Variants in EPHA3 observed in about 807,000 individuals in gnomAD.
EPHA3 encodes ephrin type-A receptor 3.
A neutral mutation model predicts 107.1 loss-of-function variants in EPHA3; 42 were observed. That is an observed-to-expected ratio of 0.39 (90% CI 0.31 to 0.51). The LOEUF is 0.51. EPHA3 is among the 20% of genes least tolerant of loss of function. The pLI is 0.78. For synonymous variants in EPHA3, 461 were observed against 424.8 expected (o/e 1.09, Z -1.05); for missense variants, 1,183 against 1,211.2 (o/e 0.98, Z 0.35).
chr3:89,429,698 C>CTATA (rs1709527536), intron 12 of EPHA3, among the ~76,000 whole-genome samples: 1 of 53,262 alleles, frequency 1.9e-5, no homozygotes, highest in Non-Finnish European at 6.0e-5. Context: ...TATCTATCAT[C>CTATA]TATCTATCTA....
At chr3:89,344,686 G>A (rs1290927247) in intron 5 of EPHA3, among the ~76,000 whole-genome samples, 3 of 152,268 alleles carry the variant, frequency 2.0e-5, no homozygotes, top group Middle Eastern at 3.4e-3. Context: ...ATGCCAGGGT[G>A]CTTAAAATCC....
chr3:89,375,783 A>T (rs188678885), intron 5 of EPHA3, among the ~76,000 whole-genome samples: 1 of 151,944 alleles, frequency 6.6e-6, no homozygotes, highest in Non-Finnish European at 1.5e-5. Context: ...CACAAACAAA[A>T]TAGGCCCATT....
At chr3:89,147,540 G>T (rs1490743185) in intron 2 of EPHA3, among the ~76,000 whole-genome samples, 1 of 151,848 alleles carries the variant, frequency 6.6e-6, no homozygotes, top group East Asian at 1.9e-4. Flanking sequence ...TGTGATAAGT[G>T]CTCAGTTAAG....
intron 2 of EPHA3, among the ~76,000 whole-genome samples, chr3:89,145,935 TA>T (rs914417978): frequency 9.9e-5 from 15 of 151,782 alleles, no homozygotes; most frequent in African/African-American, 3.6e-4. Context: ...ATCAAAATAA[TA>T]AAAAAATGAG....
intron 2 of EPHA3, among the ~76,000 whole-genome samples, chr3:89,127,537 A>C (rs1398351572): frequency 6.6e-6 from 1 of 151,990 alleles, no homozygotes; most frequent in Non-Finnish European, 1.5e-5. Context: ...GCATCATGTC[A>C]ATGATCTAAG....
chr3:89,353,708 T>C (rs1057101456), intron 5 of EPHA3, among the ~76,000 whole-genome samples: 1 of 151,326 alleles, frequency 6.6e-6, no homozygotes, highest in African/African-American at 2.4e-5. Flanking sequence ...TGGAGGCACA[T>C]TGCGTAACTG....
At chr3:89,310,648 A>T (rs1297194057) in intron 3 of EPHA3, among the ~76,000 whole-genome samples, 1 of 151,918 alleles carries the variant, frequency 6.6e-6, no homozygotes, top group Non-Finnish European at 1.5e-5. Flanking sequence ...TATACCATGC[A>T]ATTTAATAGA....
intron 2 of EPHA3, among the ~76,000 whole-genome samples, chr3:89,185,307 C>T (rs78101615): frequency 6.6e-6 from 1 of 151,968 alleles, no homozygotes; most frequent in Non-Finnish European, 1.5e-5. Flanking sequence ...GGTGACTTTG[C>T]TGTCCCCTAC....
Position 89,449,290 on chromosome 3 carries a change from C to T in EPHA3, c.2412C>T (p.Ala804=), listed in dbSNP as rs2107553455. 6.2e-7 allele frequency: 1 copy of T among 1,612,590 alleles called. No individual in the cohort carries two copies. The highest frequency in any genetic ancestry group is 1.3e-5 in the African/African-American group (1 of 74,944). The change falls in exon 14 of 17, where the codon GCC becomes GCT. Residue 804 remains alanine, a synonymous_variant. Coordinates refer to ENST00000336596, the MANE Select transcript of EPHA3 (RefSeq NM_005233.6). ...TAGCCTACCGCAAGTTCACGTCAGC[C>T]AGCGATGTATGGAGTTATGGGATTG... ...EAIAYRKFTS[A]SDVWSYGIVL... is the part of the protein sequence containing the mutation.
chr3:89,249,349 C>T (rs980619428), intron 3 of EPHA3, among the ~76,000 whole-genome samples: 4 of 152,270 alleles, frequency 2.6e-5, no homozygotes, highest in Admixed American at 6.5e-5. Flanking sequence ...TATTGAACGG[C>T]GGTGACATTT....
chr3:89,457,591 C>T (rs115196644), intron 15 of EPHA3, among the ~76,000 whole-genome samples: 1 of 152,268 alleles, frequency 6.6e-6, no homozygotes, highest in African/African-American at 2.4e-5. Context: ...TGAAACTGGC[C>T]CCTGGTGCCA....
intron 2 of EPHA3, among the ~76,000 whole-genome samples, chr3:89,176,647 T>G (rs1263774723): frequency 1.3e-5 from 2 of 152,138 alleles, no homozygotes; most frequent in African/African-American, 2.4e-5. Context: ...GCAACCATAT[T>G]TTGTAAAGCA....
At chr3:89,235,998 T>C (rs972754386) in intron 3 of EPHA3, among the ~76,000 whole-genome samples, 1 of 152,066 alleles carries the variant, frequency 6.6e-6, no homozygotes, top group African/African-American at 2.4e-5. Context: ...TCATTAGTGG[T>C]CAGTGACATA....
chr3:89,403,551 G>T (rs535127795), intron 7 of EPHA3, among the ~76,000 whole-genome samples: 1 of 152,118 alleles, frequency 6.6e-6, no homozygotes, highest in Admixed American at 6.6e-5. Context: ...AAGAGTAAAA[G>T]GATTTTCCTA....
intron 2 of EPHA3, among the ~76,000 whole-genome samples, chr3:89,189,401 TG>T (rs747136081): frequency 2.2e-4 from 34 of 152,148 alleles, no homozygotes; most frequent in Admixed American, 5.2e-4. Flanking sequence ...GAGACCATCC[TG>T]GACAATAGGG....
At chr3:89,115,634 C>T (rs558917598) in intron 1 of EPHA3, among the ~76,000 whole-genome samples, 2 of 152,266 alleles carry the variant, frequency 1.3e-5, no homozygotes, top group South Asian at 4.1e-4. Context: ...AATAATTGCT[C>T]AGTGCTCTGC....
chr3:89,336,776 A>G (rs1332867607), intron 3 of EPHA3, among the ~76,000 whole-genome samples: 1 of 152,138 alleles, frequency 6.6e-6, no homozygotes, highest in Non-Finnish European at 1.5e-5. Context: ...AATCCTAGAG[A>G]AAGGCTGGGT....
chr3:89,460,487 GATTT>G (rs1427677959), intron 15 of EPHA3, among the ~76,000 whole-genome samples: 13 of 151,156 alleles, frequency 8.6e-5, no homozygotes, highest in African/African-American at 2.9e-4. Context: ...ACTTTGAAGG[GATTT>G]ATTTTTATTA....
At chr3:89,171,598 A>G (rs1705211238) in intron 2 of EPHA3, among the ~76,000 whole-genome samples, 1 of 152,166 alleles carries the variant, frequency 6.6e-6, no homozygotes, top group South Asian at 2.1e-4. Context: ...AACAGCATCT[A>G]TAACTTATTC....
Sources: gnomAD v4.1 joint callset for allele counts (sites outside exome capture counted in the v4.1 genomes callset) on GRCh38, gnomAD v4.1.1 for gene constraint, MANE v1.5 for transcripts, NCBI Gene and HGNC (gene_info 2026-07-23, HGNC 2026-07-21) for gene names.